Variants in ATAD2B observed in about 807,000 individuals in gnomAD.
ATAD2B encodes the protein ATPase family AAA domain containing 2B.
In ATAD2B, 40 loss-of-function variants were observed where a neutral mutation model predicts 167.6. The observed-to-expected ratio is 0.24, with a 90% CI of 0.19 to 0.31. The LOEUF (loss-of-function observed/expected upper bound fraction) is 0.31. Ranked by LOEUF, ATAD2B falls within the 10% of genes least tolerant of loss-of-function variation. ATAD2B has a pLI of 1.00. For missense variants in ATAD2B, 1,242 were observed against 1,757.2 expected (o/e 0.71, Z 5.24); for synonymous variants, 579 against 596.5 (o/e 0.97, Z 0.43).
At chr2:23,918,202 CAAAAAAAAA>C (rs35163952) in intron 1 of ATAD2B, among the ~76,000 whole-genome samples, 3 of 95,982 alleles carry the variant, frequency 3.1e-5, no homozygotes, top group Non-Finnish European at 6.0e-5. Context: ...CTTGTCTCTA[CAAAAAAAAA>C]AAAAAAAAAA....
intron 13 of ATAD2B, among the ~76,000 whole-genome samples, chr2:23,843,022 C>T (rs762404597): frequency 2.0e-5 from 3 of 151,976 alleles, no homozygotes; most frequent in Non-Finnish European, 4.4e-5. Context: ...AAAAGAAAAC[C>T]AAGTGGGTCT....
the ATAD2B span, among the ~76,000 whole-genome samples, chr2:23,680,901 C>T: frequency 1.3e-5 from 2 of 152,278 alleles, no homozygotes; most frequent in African/African-American, 4.8e-5. This position sits in a 1 kb window ranked among gnomAD's most constrained non-coding sequence, Gnocchi z 4.1. Flanking sequence ...CTCTGAAGAC[C>T]CAGCCCCGAG....
intron 14 of ATAD2B, among the ~76,000 whole-genome samples, chr2:23,833,365 T>C (rs1001247964): frequency 8.0e-6 from 1 of 125,538 alleles, no homozygotes; most frequent in Non-Finnish European, 1.6e-5. Flanking sequence ...CCAAGAATAA[T>C]ATTAAAAGTT....
chr2:23,873,485 CATCCTCCCACACACTTTTTTTG>C (rs1696315811), intron 8 of ATAD2B, among the ~76,000 whole-genome samples: 3 of 152,220 alleles, frequency 2.0e-5, no homozygotes, highest in Admixed American at 2.0e-4. Flanking sequence ...GGCCTACACA[CATCCTCCCACACACTTTTTTTG>C]AAAATTTATC....
chr2:23,839,107 T>G (rs1690467924), intron 13 of ATAD2B, among the ~76,000 whole-genome samples: 1 of 152,196 alleles, frequency 6.6e-6, no homozygotes. Context: ...AATTTATGTT[T>G]ATATTGATTG....
In ATAD2B at chr2:23,785,505, G is replaced by A. The variant is rs150799390; in HGVS notation, c.2973+522C>T. Among the ~76,000 whole-genome samples the A allele has an allele frequency of 7.9e-5, 12 of 152,186 alleles. No homozygotes were observed. The East Asian group carries it at 2.1e-3, about 27-fold the overall frequency. On this transcript the variant is annotated intron_variant, in intron 21 of 27. Coordinates refer to ENST00000238789, the MANE Select transcript of ATAD2B (RefSeq NM_017552.4). Reference sequence around the variant, plus strand: ...AGTGAGAAATTTTCCACTGGGAGCAGAGAAAATCCTTAGAAAGAAAAATAA... The same window carrying A: ...AGTGAGAAATTTTCCACTGGGAGCAAAGAAAATCCTTAGAAAGAAAAATAA...
At chr2:23,707,515 A>C in the ATAD2B span, 1 of 152,242 alleles carries the variant, frequency 6.6e-6, no homozygotes, top group Admixed American at 6.5e-5. Flanking sequence ...TATGTGCAGA[A>C]TAGAGGATCT....
chr2:23,837,054 C>G lies in ATAD2B; in HGVS notation c.1569-2976G>C, dbSNP rs1690101690. Among the ~76,000 whole-genome samples the G allele has an allele frequency of 5.9e-5, 9 of 152,278 alleles. No individual in the cohort carries two copies. The South Asian group carries it at 1.9e-3, about 32-fold the overall frequency. ...GCCTCCTGCTGCCATTCATGGTGCC[C>G]AAGCTGTTCGTGCCAAGGGGCACCT... is the stretch of plus-strand genomic sequence containing the variant. On this transcript the variant is annotated intron_variant, in intron 13 of 27. Coordinates refer to ENST00000238789, the MANE Select transcript of ATAD2B (RefSeq NM_017552.4).
In ATAD2B at chr2:23,762,309, A is replaced by C. The variant is rs779083021; in HGVS notation, c.3294T>G (p.Ser1098Arg). 6.2e-7 allele frequency: 1 copy of C among 1,613,400 alleles called. No homozygotes were observed. The highest frequency in any genetic ancestry group is 1.3e-5 in the African/African-American group (1 of 74,872). ...TAGTTTCTGTCTTCCGAGCTCCAGTACTATGAGGATTTATTTGTTCTGATG... is the reference window on the plus strand; with the variant it reads ...TAGTTTCTGTCTTCCGAGCTCCAGTCCTATGAGGATTTATTTGTTCTGATG... ...SVTSEQINPHSTGARKTETRV... is the reference protein window; with the variant it reads ...SVTSEQINPHRTGARKTETRV... Residue 1098 changes from serine (S) to arginine (R), a missense_variant, in exon 24 of 28, where the codon AGT (serine) becomes AGG (arginine). This residue lies in a region of ATAD2B where 204 missense variants were observed against 324.0 expected (regional missense o/e 0.63). Transcript: ENST00000238789.
At chr2:23,728,190 G>A in the ATAD2B span, among the ~76,000 whole-genome samples, 156 of 152,076 alleles carry the variant, frequency 1.0e-3, no homozygotes, top group Non-Finnish European at 1.8e-3. Flanking sequence ...ATTTCAGTAT[G>A]TTATGTTCAA....
At chr2:23,909,427 C>T (rs946249924) in intron 1 of ATAD2B, among the ~76,000 whole-genome samples, 1 of 148,508 alleles carries the variant, frequency 6.7e-6, no homozygotes, top group African/African-American at 2.5e-5. Flanking sequence ...TATATATATA[C>T]ATACATACAT....
rs1299714994 is a variant in ATAD2B at position 23,833,700 on chromosome 2, C to A, written c.1728+219G>T. On this transcript the variant is annotated intron_variant, in intron 14 of 27. Transcript: ENST00000238789. ...CAAGTAAGCATCTACAGTGATCTAT[C>A]AAGAGCTTTCCTCTTGCTGCCTAAA... 3.3e-5 allele frequency among the ~76,000 whole-genome samples: 5 copies of A among 152,328 alleles called. No individual in the cohort carries two copies. The East Asian group carries it at 9.6e-4, about 29-fold the overall frequency.
At chr2:23,789,061 C>A (rs1396877008) in intron 19 of ATAD2B, among the ~76,000 whole-genome samples, 1 of 151,412 alleles carries the variant, frequency 6.6e-6, no homozygotes, top group East Asian at 1.9e-4. Flanking sequence ...ACTCCCTATC[C>A]ATTGACTTCC....
intron 8 of ATAD2B, among the ~76,000 whole-genome samples, chr2:23,871,328 T>A (rs1558697922): frequency 4.6e-5 from 7 of 152,074 alleles, no homozygotes. Context: ...TCGGATCTTG[T>A]TACCGCGTGA....
the ATAD2B span, among the ~76,000 whole-genome samples, chr2:23,687,836 G>A: frequency 6.6e-6 from 1 of 152,326 alleles, no homozygotes; most frequent in Non-Finnish European, 1.5e-5. Context: ...GACGCGGCTG[G>A]AGGGAGGCTA....
At chr2:23,919,917 G>A (rs896569557) in intron 1 of ATAD2B, among the ~76,000 whole-genome samples, 4 of 151,534 alleles carry the variant, frequency 2.6e-5, no homozygotes, top group East Asian at 3.9e-4. Context: ...TTCGGAGGCC[G>A]AGGCAGGCAG....
At chr2:23,849,592 G>C (rs1426404635) in intron 13 of ATAD2B, among the ~76,000 whole-genome samples, 1 of 152,226 alleles carries the variant, frequency 6.6e-6, no homozygotes, top group Non-Finnish European at 1.5e-5. Context: ...AGCACTGCCT[G>C]TCGAGGCAGG....
rs539498374 is a variant in ATAD2B at position 23,898,919 on chromosome 2, C to T, written c.217-2949G>A. Reference sequence around the variant, plus strand: ...ATCCCAGCACTTTGCAAGGCCGAGGCGGGTGGATCACCTGAGGTCAGGAGT... The same window carrying T: ...ATCCCAGCACTTTGCAAGGCCGAGGTGGGTGGATCACCTGAGGTCAGGAGT... On this transcript the variant is annotated intron_variant, in intron 1 of 27. Coordinates refer to ENST00000238789, the MANE Select transcript of ATAD2B (RefSeq NM_017552.4). Among the ~76,000 whole-genome samples, 24 of 152,180 alleles carry T rather than the reference C, an allele frequency of 1.6e-4. No individual in the cohort carries two copies. The South Asian group carries it at 1.9e-3, about 12-fold the overall frequency.
intron 15 of ATAD2B, chr2:23,827,959 A>AT (rs1318833919): frequency 1.3e-5 from 2 of 152,622 alleles, no homozygotes; most frequent in Admixed American, 6.5e-5. Context: ...GATTTTTTAA[A>AT]TTAAGTTGTT....
Sources: allele counts gnomAD v4.1 joint callset (sites outside exome capture counted in the v4.1 genomes callset), GRCh38; gene constraint gnomAD v4.1.1; regional missense constraint gnomAD v4.1.1; non-coding constraint Gnocchi (gnomAD v3.1); transcripts MANE v1.5; gene names NCBI Gene and HGNC (gene_info 2026-07-23, HGNC 2026-07-21).